The following APOM variants were observed in gnomAD, a reference collection of about 807,000 sequenced individuals.
The protein encoded by APOM is NG20-like protein.
Under a neutral mutation model 23.5 loss-of-function variants are expected in APOM, and 24 were observed. The observed-to-expected ratio is 1.02, with a 90% confidence interval of 0.74 to 1.44. The LOEUF (loss-of-function observed/expected upper bound fraction) is 1.44. APOM is among the 40% of genes most tolerant of loss of function. APOM has a pLI of 0.00. For synonymous variants in APOM, 82 were observed against 84.1 expected, an observed-to-expected ratio of 0.97 and a Z score of 0.14; for missense variants, 200 against 233.2, an observed-to-expected ratio of 0.86 and a Z score of 0.93.
At chr6:31,656,340 C>A in intron 1 of APOM, 132 bp from the exon 2 acceptor site, 2 of 1,033,634 alleles carry the variant, frequency 1.9e-6, no homozygotes, top group Non-Finnish European at 2.8e-6. Flanking sequence ...TGTCATGGAT[C>A]CAATCCCCAG....
upstream of APOM, among the ~76,000 whole-genome samples, chr6:31,654,797 T>C (rs541456857): frequency 5.3e-5 from 8 of 152,332 alleles, no homozygotes; most frequent in African/African-American, 1.9e-4. Flanking sequence ...TTGCAAACAT[T>C]ACTATTAATT....
At chr6:31,653,240 A>G (rs1583515638), upstream of APOM, among the ~76,000 whole-genome samples, 2 of 152,226 alleles carry the variant, frequency 1.3e-5, no homozygotes, top group African/African-American at 4.8e-5. Flanking sequence ...CCGAGTGGAC[A>G]GAAAGACAAG....
rs966699827 is a variant in APOM at position 31,658,198 on chromosome 6, T to A, written c.*109T>A. On this transcript the variant is annotated 3_prime_UTR_variant, in exon 6 of 6. Transcript: ENST00000375916. The stretch of plus-strand genomic sequence containing the variant: ...TCCCACTCAAGATAATAAAGATAAT[T>A]TTTCAATCCTCATCTCATTCTGGGG... 1 of 1,296,686 alleles carries A rather than the reference T, an allele frequency of 7.7e-7. No individual in the cohort carries two copies. The highest frequency in any genetic ancestry group is 1.5e-5 in the African/African-American group (1 of 68,062). 80.3% of individuals were successfully genotyped at this position (1,296,686 alleles called of 1,614,324 possible).
chr6:31,652,945 T>C (rs1439289661), upstream of APOM, among the ~76,000 whole-genome samples: 1 of 152,176 alleles, frequency 6.6e-6, no homozygotes, highest in Non-Finnish European at 1.5e-5. Context: ...GCTAAAACTC[T>C]TCTCCACCCT....
chr6:31,652,439 A>C (rs977586311), upstream of APOM: 1 of 149,690 alleles, frequency 6.7e-6, no homozygotes, highest in African/African-American at 2.5e-5. Context: ...ACCGACGGCC[A>C]CTTCCGTTTC....
chr6:31,654,863 G>C (rs1799865439), upstream of APOM, among the ~76,000 whole-genome samples: 1 of 152,218 alleles, frequency 6.6e-6, no homozygotes, highest in African/African-American at 2.4e-5. Flanking sequence ...AGGGCTTTAT[G>C]TGCATTATTT....
upstream of APOM, chr6:31,652,776 T>C (rs1223877494): frequency 6.6e-6 from 1 of 152,578 alleles, no homozygotes; most frequent in African/African-American, 2.4e-5. Flanking sequence ...CTACCGTAAA[T>C]GCCTGAAAAA....
upstream of APOM, chr6:31,655,777 G>C (rs1799973710): frequency 1.7e-6 from 1 of 573,940 alleles, no homozygotes. Flanking sequence ...GTTGCATCCG[G>C]AAGAGGGGGA....
chr6:31,653,906 C>T (rs1799500755), upstream of APOM, among the ~76,000 whole-genome samples: 1 of 152,112 alleles, frequency 6.6e-6, no homozygotes, highest in African/African-American at 2.4e-5. Context: ...CAGACTTGGC[C>T]TCCCAAAGTG....
Position 31,656,190 on chromosome 6 carries a change from G to T in APOM, c.114+110G>T, listed in dbSNP as rs1440230234. The T allele has an allele frequency of 3.4e-6, 3 of 893,480 alleles. No homozygotes were observed. In the Admixed American group the frequency reaches 7.2e-5, roughly 21 times the overall value. The allele number at this position is 893,480 out of a possible 1,614,324, so 55.3% of individuals were successfully genotyped here. ...GGAAAGGAAGAGAGGAAGGGGGTGT[G>T]AGTGTTGTGATAATGAAAGCAAGAA... On this transcript the variant is annotated intron_variant, in intron 1 of 5. Coordinates refer to ENST00000375916, the MANE Select transcript of APOM (RefSeq NM_019101.3).
chr6:31,655,526 G>A (rs1799947784), upstream of APOM: 3 of 154,834 alleles, frequency 1.9e-5, no homozygotes, highest in East Asian at 1.9e-4. Context: ...TGTCTTATTC[G>A]TTTTTTTATG....
In APOM at chr6:31,658,152, C is replaced by T; in HGVS notation, c.*63C>T. The T allele has an allele frequency of 6.4e-7, 1 of 1,556,740 alleles. No homozygotes were observed. ...GGAGCTGAGTTGTTGGAGGGAGAAG[C>T]TGGAGACTTCCAGCTCCAGCTCCCA... On this transcript the variant is annotated 3_prime_UTR_variant, in exon 6 of 6. Coordinates refer to ENST00000375916, the MANE Select transcript of APOM (RefSeq NM_019101.3).
At chr6:31,654,262 A>C (rs1799714490), upstream of APOM, among the ~76,000 whole-genome samples, 1 of 151,988 alleles carries the variant, frequency 6.6e-6, no homozygotes, top group Non-Finnish European at 1.5e-5. Context: ...AAAAAAAAAA[A>C]AATTCAAACA....
chr6:31,656,420 C>A, intron 1 of APOM, 52 bp from the exon 2 acceptor site: 2 of 1,586,146 alleles, frequency 1.3e-6, no homozygotes, highest in Non-Finnish European at 1.7e-6. Flanking sequence ...AGAGGTTGAA[C>A]CCATCCTGTG....
In APOM at chr6:31,655,940, A is replaced by T; in HGVS notation, c.-27A>T. ...AGGGGAGAGAGCAGTTAAGGCACAC[A>T]GAGCACCAGCTCCCTCCTGCCTGAA... On this transcript the variant is annotated 5_prime_UTR_variant, in exon 1 of 6. Transcript: ENST00000375916. The T allele has an allele frequency of 6.7e-7, 1 of 1,498,948 alleles. No homozygotes were observed. The highest frequency in any genetic ancestry group is 9.2e-7 in the Non-Finnish European group (1 of 1,092,200). 92.9% of individuals were successfully genotyped at this position (1,498,948 alleles called of 1,614,324 possible). A position where few individuals can be genotyped will look rare whatever the true frequency, so the allele number is the denominator to read the frequency against.
chr6:31,654,531 A>C (rs1407378391), upstream of APOM, among the ~76,000 whole-genome samples: 3 of 152,186 alleles, frequency 2.0e-5, no homozygotes, highest in African/African-American at 7.2e-5. Flanking sequence ...TCTACAAAAA[A>C]TTAGCTAGGC....
In APOM at chr6:31,657,489, A is replaced by T; in HGVS notation, c.442+11A>T. ...GCTTTCTCCTCTACAGTGAGTAGGG[A>T]TACAAGGCAGGAAGGGTTGGAGGGA... is the stretch of plus-strand genomic sequence containing the variant. On this transcript the variant is annotated intron_variant, in intron 4 of 5. Coordinates refer to ENST00000375916, the MANE Select transcript of APOM (RefSeq NM_019101.3). The T allele has an allele frequency of 6.2e-7, 1 of 1,612,282 alleles. No individual in the cohort carries two copies. Among genetic ancestry groups the T allele is most frequent in the South Asian group, 1.1e-5 (1 of 91,058 alleles).
At chr6:31,657,127 CAG>C in intron 2 of APOM, 96 bp from the exon 3 acceptor site, 1 of 1,200,432 alleles carries the variant, frequency 8.3e-7, no homozygotes, top group Non-Finnish European at 1.2e-6. Context: ...GCCTGGGCAA[CAG>C]AGTGAGACTC....
chr6:31,657,193 T>C (rs1166261667), intron 2 of APOM, 32 bp from the exon 3 acceptor site: 2 of 1,601,324 alleles, frequency 1.2e-6, no homozygotes, highest in Admixed American at 1.7e-5. Context: ...GTGATGCTCA[T>C]TCTTTCCTCC....
Sources: allele counts gnomAD v4.1 joint callset (sites outside exome capture counted in the v4.1 genomes callset), GRCh38; gene constraint gnomAD v4.1.1; transcripts MANE v1.5; gene names NCBI Gene and HGNC (gene_info 2026-07-23, HGNC 2026-07-21).